The following PDILT variants were observed in gnomAD, a reference collection of about 807,000 sequenced individuals.
PDILT encodes protein disulfide-isomerase-like protein of the testis.
Under a neutral mutation model 53.7 loss-of-function variants are expected in PDILT, and 43 were observed. The observed-to-expected ratio is 0.80, with a 90% CI of 0.63 to 1.03. PDILT has a LOEUF of 1.03. Among genes scored for constraint, PDILT ranks in the 50% least tolerant of loss-of-function variants. The pLI is 0.00. For synonymous variants in PDILT, 282 were observed against 274.2 expected (o/e 1.03, Z -0.28); for missense variants, 727 against 712.3 (o/e 1.02, Z -0.24).
Position 20,384,868 on chromosome 16 carries a change from A to G in PDILT, c.203-17T>C, listed in dbSNP as rs1172725872. On this transcript the variant is annotated splice_polypyrimidine_tract_variant and intron_variant, in intron 2 of 11. Coordinates refer to ENST00000302451, the MANE Select transcript of PDILT (RefSeq NM_174924.2). ...ATGGGTTGTCTGAAAGAGTATGAAG[A>G]CAAAATTTGAGAGGCCTTTCCTCGC... 6 of 1,612,938 alleles carry G rather than the reference A, an allele frequency of 3.7e-6. No homozygotes were observed. In the South Asian group the frequency reaches 6.6e-5, roughly 18 times the overall value.
intron 3 of PDILT, among the ~76,000 whole-genome samples, 162 bp downstream of exon 3, chr16:20,384,483 A>T (rs1309553433): frequency 6.6e-6 from 1 of 152,162 alleles, no homozygotes; most frequent in Non-Finnish European, 1.5e-5. Flanking sequence ...TACAGAGGAA[A>T]GAGCAGGTGG....
chr16:20,359,487 CCCTT>C lies in PDILT; in HGVS notation c.1583_1586del (p.Lys528SerfsTer13). On this transcript the variant is annotated frameshift_variant, in exon 12 of 12. Transcript: ENST00000302451. LOFTEE classifies it low-confidence loss of function (END_TRUNC). ...GCTCAGGCGACTGCTGTTCAGGTAA[CCCTT>C]TCCTCATCATAGGCACCTCCTTTTC... 2 of 1,614,142 alleles carry C rather than the reference CCCTT, an allele frequency of 1.2e-6. No individual in the cohort carries two copies. Among genetic ancestry groups the C allele is most frequent in the Non-Finnish European group, 1.7e-6 (2 of 1,179,996 alleles).
intron 3 of PDILT, among the ~76,000 whole-genome samples, chr16:20,381,421 A>G (rs1360656819): frequency 6.6e-6 from 1 of 151,944 alleles, no homozygotes; most frequent in Non-Finnish European, 1.5e-5. Context: ...TGGATCATGA[A>G]ATCAAGAGAT....
rs1023305091 is a variant in PDILT at position 20,362,512 on chromosome 16, G to T, written c.1308C>A (p.Asn436Lys). The T allele has an allele frequency of 1.5e-5, 24 of 1,614,022 alleles. No individual in the cohort carries two copies. The highest frequency in any genetic ancestry group is 1.9e-5 in the Non-Finnish European group (23 of 1,180,044). ...LLEELGRKYQ[N>K]HSTIIIAKID... The stretch of plus-strand genomic sequence containing the variant: ...TCTTGGCAATGATAATTGTGGAGTG[G>T]TTTTGATATTTTCTGCCCAATTCCT... Residue 436 changes from asparagine to lysine, a missense_variant, in exon 10 of 12, where the codon AAC (asparagine) becomes AAA (lysine). Asn to Lys is a moderately conservative substitution (Grantham distance 94). Coordinates refer to ENST00000302451, the MANE Select transcript of PDILT (RefSeq NM_174924.2).
chr16:20,379,016 G>T (rs934589759), intron 3 of PDILT, among the ~76,000 whole-genome samples: 1 of 130,518 alleles, frequency 7.7e-6, no homozygotes, highest in African/African-American at 2.8e-5. Context: ...CTCATTTTAG[G>T]GCATTTTTTT....
chr16:20,378,483 T>C (rs1352618916), intron 3 of PDILT, among the ~76,000 whole-genome samples: 2 of 152,190 alleles, frequency 1.3e-5, no homozygotes, highest in Non-Finnish European at 2.9e-5. Flanking sequence ...GGGATACATG[T>C]GTAGAACATG....
At chr16:20,389,333 G>A (rs1361175079) in intron 2 of PDILT, among the ~76,000 whole-genome samples, 1 of 152,062 alleles carries the variant, frequency 6.6e-6, no homozygotes, top group East Asian at 1.9e-4. Flanking sequence ...TAAAAAGTGG[G>A]GTTATTAATA....
chr16:20,366,043 T>C (rs963211354), intron 8 of PDILT, among the ~76,000 whole-genome samples: 25 of 149,554 alleles, frequency 1.7e-4, no homozygotes, highest in African/African-American at 6.0e-4. Context: ...TGAGCAGAGA[T>C]TGCGCTACTG....
intron 1 of PDILT, 73 bp from the exon 2 acceptor site, chr16:20,399,380 CCTTGTCCAG>C: frequency 6.7e-7 from 1 of 1,498,706 alleles, no homozygotes; most frequent in Non-Finnish European, 9.1e-7. Context: ...ACCCCCACTT[CCTTGTCCAG>C]CTGGTCCATG....
chr16:20,362,356 A>C, intron 10 of PDILT, 48 bp downstream of exon 10: 7 of 1,591,712 alleles, frequency 4.4e-6, no homozygotes, highest in Non-Finnish European at 6.0e-6. Flanking sequence ...AGTCCCTGAT[A>C]ATAACATAAC....
At chr16:20,402,289 G>GTTCTT (rs1966752208) in intron 1 of PDILT, among the ~76,000 whole-genome samples, 2 of 43,704 alleles carry the variant, frequency 4.6e-5, no homozygotes, top group South Asian at 2.1e-3. Flanking sequence ...GAGGAGTGTT[G>GTTCTT]ATCTTTTCTT....
intron 5 of PDILT, among the ~76,000 whole-genome samples, chr16:20,374,329 C>T (rs1468860912): frequency 1.3e-5 from 2 of 151,988 alleles, no homozygotes; most frequent in Non-Finnish European, 2.9e-5. Context: ...AGGATGTTGC[C>T]TGGGTTTTCT....
chr16:20,376,044 C>G (rs1966381222), intron 4 of PDILT, 24 bp downstream of exon 4: 2 of 1,613,664 alleles, frequency 1.2e-6, no homozygotes, highest in African/African-American at 2.7e-5. Flanking sequence ...TTGAAAGCCT[C>G]CTCCCACCTC....
chr16:20,375,992 C>G (rs1056201467), intron 4 of PDILT, 76 bp downstream of exon 4: 76 of 1,556,480 alleles, frequency 4.9e-5, no homozygotes, highest in East Asian at 4.5e-4. Context: ...ACGGAAGAGT[C>G]TCCTCACACC....
chr16:20,392,111 G>A (rs9921817), intron 2 of PDILT, among the ~76,000 whole-genome samples: 4,971 of 152,132 alleles, frequency 0.033, 271 homozygotes, highest in African/African-American at 0.12. Context: ...CCAAGGCAGT[G>A]GTGGTGGGAT....
intron 4 of PDILT, 107 bp from the exon 5 acceptor site, chr16:20,375,066 G>A: frequency 7.6e-7 from 1 of 1,310,188 alleles, no homozygotes; most frequent in Non-Finnish European, 1.0e-6. Context: ...ACTTTTTCAA[G>A]TTCTGGGGTT....
intron 2 of PDILT, among the ~76,000 whole-genome samples, chr16:20,392,079 G>A (rs946008720): frequency 1.6e-4 from 24 of 152,078 alleles, no homozygotes; most frequent in African/African-American, 5.8e-4. Flanking sequence ...AGTGGTTCAG[G>A]TGAGGAATAA....
At position 20,399,087 on chromosome 16, in the gene PDILT, G is replaced by A; in HGVS notation, c.202+12C>T. 1 of 1,614,084 alleles carries A rather than the reference G, an allele frequency of 6.2e-7. No homozygotes were observed. Among genetic ancestry groups the A allele is most frequent in the Non-Finnish European group, 8.5e-7 (1 of 1,179,940 alleles). On this transcript the variant is annotated intron_variant, in intron 2 of 11. Transcript: ENST00000302451. ...CCATCTATCATCCATCACCCAGGAT[G>A]GGGGCACTCACGGAAAAGCACCATG... is the stretch of plus-strand genomic sequence containing the variant.
chr16:20,376,219 C>G lies in PDILT; in HGVS notation c.410-18G>C, dbSNP rs200128123. On this transcript the variant is annotated intron_variant, in intron 3 of 11. Coordinates refer to ENST00000302451, the MANE Select transcript of PDILT (RefSeq NM_174924.2). The stretch of plus-strand genomic sequence containing the variant: ...AACCACTCCTGGAGAAAGACACAGT[C>G]AAATAGATACCAGAGAAGTTTCCTC... 1 of 1,613,400 alleles carries G rather than the reference C, an allele frequency of 6.2e-7. No homozygotes were observed. Among genetic ancestry groups the G allele is most frequent in the Non-Finnish European group, 8.5e-7 (1 of 1,179,638 alleles).
Sources: allele counts gnomAD v4.1 joint callset (sites outside exome capture counted in the v4.1 genomes callset), GRCh38; gene constraint gnomAD v4.1.1; transcripts MANE v1.5; gene names NCBI Gene and HGNC (gene_info 2026-07-23, HGNC 2026-07-21).